SRBD1: variants seen among roughly 807,000 people sequenced by gnomAD.
SRBD1 encodes the protein S1 RNA-binding domain-containing protein 1.
In SRBD1, 88 loss-of-function variants were observed where a neutral mutation model predicts 115.3. The observed-to-expected ratio is 0.76, with a 90% CI of 0.64 to 0.91. SRBD1 has a LOEUF of 0.91. SRBD1 is among the 40% of genes least tolerant of loss of function. The pLI, the probability that SRBD1 is intolerant of heterozygous loss-of-function variation, is 0.00. For missense variants in SRBD1, 1,385 were observed against 1,177.4 expected (o/e 1.18, Z -2.58); for synonymous variants, 509 against 407.7 (o/e 1.25, Z -2.99).
chr2:45,572,847 T>C (rs1381130832), intron 9 of SRBD1, among the ~76,000 whole-genome samples: 1 of 152,138 alleles, frequency 6.6e-6, no homozygotes, highest in Admixed American at 6.5e-5. Context: ...TCTCACACTT[T>C]ATTCTAAATC....
intron 19 of SRBD1, among the ~76,000 whole-genome samples, chr2:45,397,269 T>A (rs770808745): frequency 6.6e-6 from 1 of 152,234 alleles, no homozygotes; most frequent in Non-Finnish European, 1.5e-5. Flanking sequence ...CAGTAGTAAT[T>A]TGTTACTCTA....
At chr2:45,455,836 C>G (rs977914924) in intron 16 of SRBD1, among the ~76,000 whole-genome samples, 1 of 151,804 alleles carries the variant, frequency 6.6e-6, no homozygotes, top group African/African-American at 2.4e-5. Flanking sequence ...AGCAAATTTT[C>G]TTTCCAAAAG....
At chr2:45,471,384 T>C (rs998630487) in intron 16 of SRBD1, among the ~76,000 whole-genome samples, 7 of 152,168 alleles carry the variant, frequency 4.6e-5, no homozygotes, top group African/African-American at 1.7e-4. Context: ...TAAATCTTCC[T>C]TGAAAGCCTG....
chr2:45,430,779 C>T lies in SRBD1; in HGVS notation c.2050-10885G>A, dbSNP rs565957848. The stretch of plus-strand genomic sequence containing the variant: ...ACACCAAAAGCAATGGCAACAAAAG[C>T]AAAAATTGGCAAATGGGATCTAACT... On this transcript the variant is annotated intron_variant, in intron 16 of 20. Coordinates refer to ENST00000263736, the MANE Select transcript of SRBD1 (RefSeq NM_018079.5). 1.1e-3 allele frequency among the ~76,000 whole-genome samples: 166 copies of T among 152,210 alleles called. 1 individual carries two copies. The highest frequency in any genetic ancestry group is 3.6e-3 in the African/African-American group (151 of 41,532).
intron 14 of SRBD1, among the ~76,000 whole-genome samples, chr2:45,537,619 G>A (rs1232054785): frequency 2.0e-5 from 3 of 152,260 alleles, no homozygotes; most frequent in South Asian, 4.1e-4. Context: ...TAAAATGGGT[G>A]TGTTTTGGGG....
At chr2:45,414,245 A>G (rs535414403) in intron 18 of SRBD1, among the ~76,000 whole-genome samples, 3 of 152,178 alleles carry the variant, frequency 2.0e-5, no homozygotes, top group Non-Finnish European at 2.9e-5. Flanking sequence ...GGACTTAAGT[A>G]TAACCCATAC....
At chr2:45,430,079 AGGG>A (rs1668285191) in intron 16 of SRBD1, among the ~76,000 whole-genome samples, 3 of 152,180 alleles carry the variant, frequency 2.0e-5, no homozygotes, top group Non-Finnish European at 4.4e-5. Context: ...ACAACTTACA[AGGG>A]ATGTGAAGGA....
At chr2:45,566,425 C>T (rs1182550652) in intron 9 of SRBD1, among the ~76,000 whole-genome samples, 1 of 152,092 alleles carries the variant, frequency 6.6e-6, no homozygotes, top group East Asian at 1.9e-4. Context: ...AACTCTGAAA[C>T]CATTATGCTA....
intron 14 of SRBD1, among the ~76,000 whole-genome samples, chr2:45,537,871 A>T (rs1330155612): frequency 6.6e-6 from 1 of 152,238 alleles, no homozygotes; most frequent in Non-Finnish European, 1.5e-5. Context: ...ACAGAAAAGT[A>T]CAAGAGGAAG....
At chr2:45,552,359 A>C (rs1348388752) in intron 11 of SRBD1, among the ~76,000 whole-genome samples, 2 of 152,230 alleles carry the variant, frequency 1.3e-5, no homozygotes, top group Admixed American at 1.3e-4. Flanking sequence ...GCATTTTAGA[A>C]AAAGAAAGAG....
intron 15 of SRBD1, among the ~76,000 whole-genome samples, chr2:45,479,536 C>A (rs1669900220): frequency 6.6e-6 from 1 of 152,188 alleles, no homozygotes; most frequent in African/African-American, 2.4e-5. Context: ...TAATCCTGAG[C>A]AAGGTCCTAA....
chr2:45,540,460 T>C (rs1671899611), intron 14 of SRBD1, among the ~76,000 whole-genome samples: 1 of 151,976 alleles, frequency 6.6e-6, no homozygotes, highest in Non-Finnish European at 1.5e-5. Context: ...ACAGTAACCT[T>C]GATTTTGCCA....
chr2:45,414,666 A>AGT (rs1553384088), intron 18 of SRBD1, among the ~76,000 whole-genome samples: 59 of 148,754 alleles, frequency 4.0e-4, no homozygotes, highest in Middle Eastern at 3.5e-3. Context: ...ATACACACAT[A>AGT]GTGTATATAG....
chr2:45,610,362 C>T (rs2104278744), intron 1 of SRBD1, among the ~76,000 whole-genome samples: 2 of 152,322 alleles, frequency 1.3e-5, no homozygotes, highest in East Asian at 3.9e-4. Context: ...GAAGGACCAA[C>T]AGAGTGCTTG....
intron 16 of SRBD1, among the ~76,000 whole-genome samples, chr2:45,438,891 T>C (rs996740802): frequency 6.6e-6 from 1 of 151,998 alleles, no homozygotes; most frequent in Non-Finnish European, 1.5e-5. Context: ...CAGTGAACCC[T>C]AAGAAGGACA....
intron 16 of SRBD1, among the ~76,000 whole-genome samples, chr2:45,434,679 T>TA: frequency 6.6e-6 from 1 of 152,314 alleles, no homozygotes; most frequent in South Asian, 2.1e-4. Context: ...CCAGTTGACT[T>TA]AAACTTTTGG....
At chr2:45,473,091 C>A (rs1669699580) in intron 16 of SRBD1, among the ~76,000 whole-genome samples, 1 of 151,784 alleles carries the variant, frequency 6.6e-6, no homozygotes, top group Non-Finnish European at 1.5e-5. Flanking sequence ...TTCCTATCTC[C>A]TTATATTTTG....
At chr2:45,491,984 G>T (rs1323928809) in intron 14 of SRBD1, among the ~76,000 whole-genome samples, 1 of 151,986 alleles carries the variant, frequency 6.6e-6, no homozygotes, top group Non-Finnish European at 1.5e-5. Flanking sequence ...ATCATGCCCA[G>T]CTAATTTTTG....
intron 19 of SRBD1, among the ~76,000 whole-genome samples, chr2:45,396,349 C>A (rs558450888): frequency 9.2e-5 from 14 of 152,168 alleles, no homozygotes; most frequent in Non-Finnish European, 1.8e-4. Flanking sequence ...CTGAGGAAAC[C>A]TGCAAAGAAA....
Sources: gnomAD v4.1 joint callset for allele counts (sites outside exome capture counted in the v4.1 genomes callset) on GRCh38, gnomAD v4.1.1 for gene constraint, MANE v1.5 for transcripts, NCBI Gene and HGNC (gene_info 2026-07-23, HGNC 2026-07-21) for gene names.